NOS1AP: variants seen among roughly 807,000 people sequenced by gnomAD.
The protein encoded by NOS1AP is carboxyl-terminal PDZ ligand of neuronal nitric oxide synthase protein.
A neutral mutation model predicts 56.2 loss-of-function variants in NOS1AP; 21 were observed. The ratio of observed to expected loss-of-function variants is 0.37; its 90% CI spans 0.26 to 0.54. The LOEUF (loss-of-function observed/expected upper bound fraction) is 0.54. Among genes scored for constraint, NOS1AP ranks in the 20% least tolerant of loss-of-function variants. The pLI is 0.84. For synonymous variants in NOS1AP, 270 were observed against 274.6 expected (o/e 0.98, Z 0.17); for missense variants, 522 against 657.8 (o/e 0.79, Z 2.26).
chr1:162,204,610 C>T (rs1652102733), intron 2 of NOS1AP, among the ~76,000 whole-genome samples: 1 of 152,150 alleles, frequency 6.6e-6, no homozygotes, highest in Non-Finnish European at 1.5e-5. Context: ...TGGCATCATC[C>T]CATGTATGTC....
chr1:162,153,661 G>A (rs1217266056), intron 1 of NOS1AP, among the ~76,000 whole-genome samples: 2 of 152,192 alleles, frequency 1.3e-5, no homozygotes, highest in Non-Finnish European at 2.9e-5. Flanking sequence ...AGAACAATGT[G>A]AGTAATATGA....
chr1:162,324,585 G>A (rs1656524817), intron 4 of NOS1AP, among the ~76,000 whole-genome samples: 1 of 152,104 alleles, frequency 6.6e-6, no homozygotes, highest in Non-Finnish European at 1.5e-5. Flanking sequence ...CTTAACAGCT[G>A]TGAAATTAAA....
At chr1:162,113,276 C>A (rs145370121) in intron 1 of NOS1AP, among the ~76,000 whole-genome samples, 1 of 152,234 alleles carries the variant, frequency 6.6e-6, no homozygotes, top group Non-Finnish European at 1.5e-5. Flanking sequence ...TGGAGCATTA[C>A]TGGAGGCAGT....
At chr1:162,201,052 T>C (rs549857327) in intron 2 of NOS1AP, among the ~76,000 whole-genome samples, 7 of 152,324 alleles carry the variant, frequency 4.6e-5, no homozygotes, top group Admixed American at 4.6e-4. Flanking sequence ...ATCCTCTTCC[T>C]CCTCCCACTC....
intron 2 of NOS1AP, among the ~76,000 whole-genome samples, chr1:162,171,136 T>A (rs545958073): frequency 6.6e-6 from 1 of 152,222 alleles, no homozygotes; most frequent in East Asian, 1.9e-4. Flanking sequence ...CTCAGCATTG[T>A]TGCTGCAAAT....
intron 3 of NOS1AP, among the ~76,000 whole-genome samples, chr1:162,299,933 G>A (rs1202897576): frequency 3.9e-5 from 6 of 152,162 alleles, no homozygotes; most frequent in South Asian, 2.1e-4. Flanking sequence ...GCCACCCTGT[G>A]CATTATCTCT....
At chr1:162,208,220 A>G (rs895786212) in intron 2 of NOS1AP, among the ~76,000 whole-genome samples, 7 of 152,148 alleles carry the variant, frequency 4.6e-5, no homozygotes, top group African/African-American at 1.7e-4. Context: ...CAAGCTCAGG[A>G]CCCATCTGTT....
intron 2 of NOS1AP, among the ~76,000 whole-genome samples, chr1:162,203,636 T>C (rs1652064331): frequency 6.6e-6 from 1 of 152,208 alleles, no homozygotes; most frequent in East Asian, 1.9e-4. Context: ...GCCTCTGCTG[T>C]CTGAGTATTT....
chr1:162,304,981 A>G (rs1471485934), intron 4 of NOS1AP, among the ~76,000 whole-genome samples: 1 of 152,152 alleles, frequency 6.6e-6, no homozygotes, highest in African/African-American at 2.4e-5. Flanking sequence ...AATACATACA[A>G]TTGTTTGTGG....
At chr1:162,138,712 A>C (rs1462557217) in intron 1 of NOS1AP, among the ~76,000 whole-genome samples, 5 of 152,164 alleles carry the variant, frequency 3.3e-5, no homozygotes, top group Non-Finnish European at 7.3e-5. Flanking sequence ...CAAGGCATTG[A>C]GAAAGCCCTT....
intron 2 of NOS1AP, among the ~76,000 whole-genome samples, chr1:162,236,905 G>A (rs927822483): frequency 2.0e-5 from 3 of 152,126 alleles, no homozygotes; most frequent in Admixed American, 6.5e-5. Flanking sequence ...TAGCTAAATT[G>A]CTAGTTACTT....
intron 5 of NOS1AP, among the ~76,000 whole-genome samples, chr1:162,334,025 A>G (rs1015823165): frequency 6.6e-6 from 1 of 152,182 alleles, no homozygotes; most frequent in Non-Finnish European, 1.5e-5. Flanking sequence ...GAAACAAACT[A>G]CTAAGCCTGG....
chr1:162,077,634 C>T (rs1570990653), intron 1 of NOS1AP, among the ~76,000 whole-genome samples: 1 of 151,816 alleles, frequency 6.6e-6, no homozygotes, highest in Non-Finnish European at 1.5e-5. Flanking sequence ...TTTTGAGATC[C>T]ATCTGCCTTC....
chr1:162,149,030 C>T (rs2102087107), intron 1 of NOS1AP, among the ~76,000 whole-genome samples: 2 of 152,236 alleles, frequency 1.3e-5, no homozygotes, highest in East Asian at 3.9e-4. Context: ...AGAGGAGGAA[C>T]ATGACATGGG....
chr1:162,118,212 C>T (rs1040698187), intron 1 of NOS1AP, among the ~76,000 whole-genome samples: 7 of 152,292 alleles, frequency 4.6e-5, no homozygotes, highest in African/African-American at 1.7e-4. Flanking sequence ...AAGCGGTAAA[C>T]ACAGTACCCA....
chr1:162,286,624 G>A (rs952556607), intron 2 of NOS1AP, among the ~76,000 whole-genome samples: 3 of 152,218 alleles, frequency 2.0e-5, no homozygotes, highest in Non-Finnish European at 4.4e-5. Context: ...TCCATCAGCA[G>A]TATGGGTCTG....
chr1:162,254,448 AG>A (rs1393147112), intron 2 of NOS1AP, among the ~76,000 whole-genome samples: 1 of 152,192 alleles, frequency 6.6e-6, no homozygotes, highest in Admixed American at 6.5e-5. Flanking sequence ...GTGGTTTTAA[AG>A]GGCAAAGCCA....
chr1:162,340,894 T>C (rs1180267966), intron 5 of NOS1AP, among the ~76,000 whole-genome samples: 1 of 152,216 alleles, frequency 6.6e-6, no homozygotes, highest in African/African-American at 2.4e-5. Context: ...GGCTTATAGA[T>C]GGTTGAATAT....
At position 162,213,376 on chromosome 1, in the gene NOS1AP, T is replaced by G. The variant is rs564952467; in HGVS notation, c.177+58900T>G. On this transcript the variant is annotated intron_variant, in intron 2 of 9. Coordinates refer to ENST00000361897, the MANE Select transcript of NOS1AP (RefSeq NM_014697.3). ...TATGGGGAGCTGCCTGGTCAGGAAT[T>G]TTTGCATTGAGGGAGGAGACTCTCC... is the stretch of plus-strand genomic sequence containing the variant. Among the ~76,000 whole-genome samples the G allele has an allele frequency of 3.4e-4, 51 of 152,230 alleles. 1 individual carries two copies. In the South Asian group the frequency reaches 9.5e-3, roughly 28 times the overall value.
Sources: gnomAD v4.1 joint callset for allele counts (sites outside exome capture counted in the v4.1 genomes callset) on GRCh38, gnomAD v4.1.1 for gene constraint, MANE v1.5 for transcripts, NCBI Gene and HGNC (gene_info 2026-07-23, HGNC 2026-07-21) for gene names.